Variants in CCSER1 observed in about 807,000 individuals in gnomAD.
CCSER1 encodes serine-rich coiled-coil domain-containing protein 1.
Under a neutral mutation model 82.0 loss-of-function variants are expected in CCSER1, and 41 were observed. The ratio of observed to expected loss-of-function variants is 0.50; its 90% confidence interval spans 0.39 to 0.65. CCSER1 has a LOEUF of 0.65. CCSER1 is among the 30% of genes least tolerant of loss of function. The pLI, the probability that CCSER1 is intolerant of heterozygous loss-of-function variation, is 0.00. For missense variants in CCSER1, 1,119 were observed against 1,064.2 expected (o/e 1.05, Z -0.72); for synonymous variants, 414 against 383.9 (o/e 1.08, Z -0.92).
chr4:91,379,221 T>C (rs1750675901), intron 10 of CCSER1, among the ~76,000 whole-genome samples: 1 of 152,134 alleles, frequency 6.6e-6, no homozygotes, highest in African/African-American at 2.4e-5. Context: ...TCTTTTTTTG[T>C]TGTGTCTCTG....
At chr4:90,927,374 C>T (rs947867161) in intron 9 of CCSER1, among the ~76,000 whole-genome samples, 2 of 151,914 alleles carry the variant, frequency 1.3e-5, no homozygotes, top group Non-Finnish European at 2.9e-5. Flanking sequence ...GCAGTGTTTT[C>T]TTTAAGACTT....
intron 10 of CCSER1, among the ~76,000 whole-genome samples, chr4:91,199,650 G>A (rs927793432): frequency 2.0e-5 from 3 of 151,966 alleles, no homozygotes; most frequent in African/African-American, 4.8e-5. Context: ...GTTTTTAAGG[G>A]TGCTTCTATA....
At chr4:90,954,383 G>T (rs1419480989) in intron 9 of CCSER1, among the ~76,000 whole-genome samples, 1 of 151,690 alleles carries the variant, frequency 6.6e-6, no homozygotes, top group Non-Finnish European at 1.5e-5. Context: ...CAATTAGTTA[G>T]CCAATTTTAT....
intron 10 of CCSER1, among the ~76,000 whole-genome samples, chr4:91,297,369 G>GTGTGTGTGTA (rs1476424853): frequency 5.2e-4 from 52 of 99,528 alleles, no homozygotes; most frequent in African/African-American, 2.1e-3. Flanking sequence ...GGATGCTTGT[G>GTGTGTGTGTA]TGTGTGTGTG....
At chr4:91,347,364 A>C (rs1919223) in intron 10 of CCSER1, among the ~76,000 whole-genome samples, 61,939 of 151,842 alleles carry the variant, frequency 0.41, 13,013 homozygotes, top group East Asian at 0.75. Context: ...GATTACTGTA[A>C]ATTTATAGTG....
intron 10 of CCSER1, among the ~76,000 whole-genome samples, chr4:91,576,531 T>A (rs1432850873): frequency 6.6e-6 from 1 of 151,900 alleles, no homozygotes; most frequent in Non-Finnish European, 1.5e-5. Flanking sequence ...AGATAGTAGG[T>A]CTTAGATACA....
chr4:90,464,369 A>G (rs1258178998), intron 4 of CCSER1, among the ~76,000 whole-genome samples: 1 of 152,244 alleles, frequency 6.6e-6, no homozygotes, highest in Non-Finnish European at 1.5e-5. Flanking sequence ...CTATTTGTAT[A>G]ATTAAACATC....
At chr4:90,175,731 T>C (rs530760775) in intron 1 of CCSER1, among the ~76,000 whole-genome samples, 1 of 152,176 alleles carries the variant, frequency 6.6e-6, no homozygotes, top group South Asian at 2.1e-4. Context: ...ATTTACAATT[T>C]TTAAAAGTAC....
intron 6 of CCSER1, among the ~76,000 whole-genome samples, chr4:90,699,668 C>G (rs779060704): frequency 6.6e-5 from 10 of 152,158 alleles, no homozygotes; most frequent in Non-Finnish European, 2.9e-5. Context: ...AAAGTACACT[C>G]AAAGAGCACT....
At chr4:90,313,601 A>G (rs904005705) in intron 3 of CCSER1, among the ~76,000 whole-genome samples, 4 of 152,044 alleles carry the variant, frequency 2.6e-5, no homozygotes, top group African/African-American at 9.7e-5. Flanking sequence ...CAAATTGTAG[A>G]GCCTGCTTTT....
intron 10 of CCSER1, among the ~76,000 whole-genome samples, chr4:91,525,859 C>T (rs968308253): frequency 4.6e-5 from 7 of 152,164 alleles, no homozygotes; most frequent in African/African-American, 1.7e-4. Context: ...AATTCCTCCT[C>T]AGCTAGGGAT....
Position 90,461,147 on chromosome 4 carries a change from G to A in CCSER1, c.1604-7087G>A, listed in dbSNP as rs1762864971. On this transcript the variant is annotated intron_variant, in intron 4 of 10. Coordinates refer to ENST00000509176, the MANE Select transcript of CCSER1 (RefSeq NM_001145065.2). The stretch of plus-strand genomic sequence containing the variant: ...GTGGCGGGATCTCGGCTCACTGCAA[G>A]CTCCGCCTCCCGGGTTCACGCCATT... Among the ~76,000 whole-genome samples the A allele has an allele frequency of 2.0e-5, 2 of 100,718 alleles. 1 individual carries two copies. The highest frequency in any genetic ancestry group is 5.8e-4 in the South Asian group (2 of 3,448). 66.1% of individuals were successfully genotyped at this position (100,718 alleles called of 152,430 possible).
intron 10 of CCSER1, among the ~76,000 whole-genome samples, chr4:91,176,150 C>T (rs1205375124): frequency 1.3e-5 from 2 of 151,920 alleles, no homozygotes; most frequent in African/African-American, 4.8e-5. Flanking sequence ...TGTGGTATTA[C>T]TTATGAGGGC....
At chr4:91,229,885 A>C (rs534971223) in intron 10 of CCSER1, among the ~76,000 whole-genome samples, 24 of 152,228 alleles carry the variant, frequency 1.6e-4, no homozygotes, top group African/African-American at 5.5e-4. Context: ...CCTAATGCAC[A>C]CAGGGCTCAA....
intron 5 of CCSER1, among the ~76,000 whole-genome samples, chr4:90,551,706 C>CTCTCTATATATATATATATATATATATA: frequency 8.6e-5 from 9 of 104,222 alleles, no homozygotes; most frequent in African/African-American, 3.7e-4. Context: ...CTCTCTCTCT[C>CTCTCTATATATATATATATATATATATA]TATATATATA....
At chr4:91,504,027 T>C (rs545133435) in intron 10 of CCSER1, among the ~76,000 whole-genome samples, 1 of 152,204 alleles carries the variant, frequency 6.6e-6, no homozygotes, top group African/African-American at 2.4e-5. Context: ...GTCCTTTTTA[T>C]TTACTTATCA....
chr4:90,766,523 A>G (rs1315268960), intron 7 of CCSER1, among the ~76,000 whole-genome samples: 2 of 152,160 alleles, frequency 1.3e-5, no homozygotes, highest in Non-Finnish European at 2.9e-5. Context: ...GTGGACCTAT[A>G]GTCTCAACTA....
chr4:90,983,599 G>T (rs1736319099), intron 9 of CCSER1, among the ~76,000 whole-genome samples: 1 of 151,376 alleles, frequency 6.6e-6, no homozygotes, highest in South Asian at 2.1e-4. Context: ...GCAAGATTTT[G>T]GTGTTTTCAA....
At chr4:91,250,838 TA>T (rs1333215715) in intron 10 of CCSER1, among the ~76,000 whole-genome samples, 1 of 151,950 alleles carries the variant, frequency 6.6e-6, no homozygotes, top group African/African-American at 2.4e-5. Flanking sequence ...ATTGTGTTTT[TA>T]AAAAAACAGA....
Sources: allele counts gnomAD v4.1 joint callset (sites outside exome capture counted in the v4.1 genomes callset), GRCh38; gene constraint gnomAD v4.1.1; transcripts MANE v1.5; gene names NCBI Gene and HGNC (gene_info 2026-07-23, HGNC 2026-07-21).